Variants in VWA2 observed in about 807,000 individuals in gnomAD.
VWA2 encodes the protein von Willebrand factor A domain containing 2, also known as von Willebrand factor A domain-containing protein 2.
Under a neutral mutation model 70.4 loss-of-function variants are expected in VWA2, and 73 were observed. That is an observed-to-expected ratio of 1.04 (90% CI 0.86 to 1.26). The LOEUF is 1.26. VWA2 is among the 50% of genes most tolerant of loss of function. The pLI, the probability that VWA2 is intolerant of heterozygous loss-of-function variation, is 0.00. For missense variants in VWA2, 1,011 were observed against 998.5 expected (o/e 1.01, Z -0.17); for synonymous variants, 407 against 423.3 (o/e 0.96, Z 0.47).
At chr10:114,265,153 T>A (rs925501339) in intron 5 of VWA2, among the ~76,000 whole-genome samples, 2 of 152,228 alleles carry the variant, frequency 1.3e-5, no homozygotes, top group Non-Finnish European at 2.9e-5. Context: ...GGGTAAAGAA[T>A]AGATTTTGGA....
Position 114,278,043 on chromosome 10 carries a change from G to T in VWA2, c.696G>T (p.Thr232=). 1 of 1,610,182 alleles carries T rather than the reference G, an allele frequency of 6.2e-7. No individual in the cohort carries two copies. The highest frequency in any genetic ancestry group is 8.5e-7 in the Non-Finnish European group (1 of 1,177,196). The change falls in exon 7 of 14, where the codon ACG becomes ACT. Residue 232 remains threonine (T), a synonymous_variant. Transcript: ENST00000392982. ...LSSSAICSSA[T]PDCRVEAHPC... ...GCTCGGCCATCTGCTCCAGCGCCAC[G>T]CCAGGTAAGATCTTCCAGCCTGGAG...
At position 114,272,738 on chromosome 10, in the gene VWA2, A is replaced by C; in HGVS notation, c.372-2A>C. On this transcript the variant is annotated splice_acceptor_variant, in intron 5 of 13. Coordinates refer to ENST00000392982, the MANE Select transcript of VWA2 (RefSeq NM_001272046.2). LOFTEE classifies it high-confidence loss of function. ...TTCTTTTTTCCTTCTGGGTGTGCAC[A>C]GAGGAGGGCGCACGGAGACGGAACT... 6.3e-7 allele frequency: 1 copy of C among 1,597,288 alleles called. No homozygotes were observed. Among genetic ancestry groups the C allele is most frequent in the East Asian group, 2.3e-5 (1 of 44,210 alleles).
rs1444713382 is a variant in VWA2, at chr10:114,291,358, T to C, written c.*121T>C. On this transcript the variant is annotated 3_prime_UTR_variant, in exon 14 of 14. Coordinates refer to ENST00000392982, the MANE Select transcript of VWA2 (RefSeq NM_001272046.2). ...GTCTGTGCCCCAGGTCCTTAGAATG[T>C]CTGCTTCCCGCCGTGGCCAGGACCA... 2 of 1,229,378 alleles carry C rather than the reference T, an allele frequency of 1.6e-6. No individual in the cohort carries two copies. The highest frequency in any genetic ancestry group is 2.2e-6 in the Non-Finnish European group (2 of 907,422). The allele number at this position is 1,229,378 out of a possible 1,614,324, so 76.2% of individuals were successfully genotyped here.
intron 2 of VWA2, 27 bp downstream of exon 2, chr10:114,248,792 A>T (rs2037132107): frequency 6.2e-7 from 1 of 1,608,398 alleles, no homozygotes; most frequent in Admixed American, 1.7e-5. Flanking sequence ...GGTGGTGGGG[A>T]AGTACTGGCG....
At chr10:114,261,383 T>G in intron 5 of VWA2, 88 bp downstream of exon 5, 4 of 1,043,306 alleles carry the variant, frequency 3.8e-6, no homozygotes, top group Non-Finnish European at 5.9e-6. Context: ...TGCTCTGGGC[T>G]CACAGAGAGG....
At chr10:114,272,653 A>C in intron 5 of VWA2, 87 bp from the exon 6 acceptor site, 28 of 1,184,070 alleles carry the variant, frequency 2.4e-5, no homozygotes, top group South Asian at 3.3e-5. Flanking sequence ...TAATAACGGA[A>C]GAGCTCATCG....
At chr10:114,276,451 C>T (rs1294861431) in intron 6 of VWA2, among the ~76,000 whole-genome samples, 2 of 152,164 alleles carry the variant, frequency 1.3e-5, no homozygotes, top group Non-Finnish European at 2.9e-5. Context: ...CCAAGGGCAG[C>T]GTGAAACTCT....
intron 8 of VWA2, among the ~76,000 whole-genome samples, chr10:114,279,439 GC>G (rs1013680567): frequency 6.6e-6 from 1 of 152,168 alleles, no homozygotes; most frequent in African/African-American, 2.4e-5. Flanking sequence ...TTTCTGGGGG[GC>G]CGGGGCAGTG....
chr10:114,241,684 G>A (rs1416462818), intron 1 of VWA2, among the ~76,000 whole-genome samples: 2 of 152,160 alleles, frequency 1.3e-5, no homozygotes, highest in East Asian at 3.8e-4. Flanking sequence ...CGGGCACAGG[G>A]CAGATGCTTA....
intron 9 of VWA2, among the ~76,000 whole-genome samples, chr10:114,282,818 C>T (rs547724310): frequency 8.5e-4 from 130 of 152,284 alleles, no homozygotes; most frequent in African/African-American, 3.0e-3. Flanking sequence ...TGGTGAGAGG[C>T]AGAGAGGCAG....
chr10:114,252,991 A>T (rs1443425212), intron 2 of VWA2, among the ~76,000 whole-genome samples: 1 of 151,590 alleles, frequency 6.6e-6, no homozygotes, highest in Non-Finnish European at 1.5e-5. Context: ...GTCACTGCAC[A>T]TTGACATTTA....
At chr10:114,291,029 G>C (rs1316982102) in intron 13 of VWA2, among the ~76,000 whole-genome samples, 189 bp from the exon 14 acceptor site, 2 of 152,106 alleles carry the variant, frequency 1.3e-5, no homozygotes, top group Non-Finnish European at 2.9e-5. Flanking sequence ...CACGGGCAGA[G>C]GTTGGCTTCC....
chr10:114,266,930 TTTTACATAAAGCTG>T (rs2037580953), intron 5 of VWA2, among the ~76,000 whole-genome samples: 2 of 152,236 alleles, frequency 1.3e-5, no homozygotes, highest in Non-Finnish European at 1.5e-5. Flanking sequence ...TGGTATGTGC[TTTTACATAAAGCTG>T]TATTATTTTT....
intron 9 of VWA2, among the ~76,000 whole-genome samples, chr10:114,284,582 G>C (rs1287050218): frequency 2.0e-5 from 3 of 152,166 alleles, no homozygotes; most frequent in African/African-American, 4.8e-5. Flanking sequence ...TGATGCTACG[G>C]GGAGCTTCCT....
intron 12 of VWA2, chr10:114,289,791 C>A (rs1400210107): frequency 1.6e-5 from 7 of 432,550 alleles, no homozygotes; most frequent in Admixed American, 3.5e-5. Flanking sequence ...TCCTAAGGGT[C>A]TAAAGATCCC....
chr10:114,278,136 C>G (rs2037894973), intron 7 of VWA2, 89 bp downstream of exon 7: 3 of 1,512,836 alleles, frequency 2.0e-6, no homozygotes, highest in Non-Finnish European at 2.7e-6. Context: ...CAGGAGCCTC[C>G]CAAGGATGGA....
chr10:114,289,471 A>G lies in VWA2; in HGVS notation c.2104A>G (p.Ile702Val), dbSNP rs765323011. 3 of 1,614,202 alleles carry G rather than the reference A, an allele frequency of 1.9e-6. No individual in the cohort carries two copies. The highest frequency in any genetic ancestry group is 2.5e-6 in the Non-Finnish European group (3 of 1,180,028). ...CCTGCGGTACCACCAGGACGTGCTC[A>G]TTGAGTGGCTGTGTGGAGGTGAGTG... Reference protein sequence around the residue: ...ADLRYHQDVLIEWLCGEAKQP... With the variant: ...ADLRYHQDVLVEWLCGEAKQP... Residue 702 changes from isoleucine to valine, a missense_variant, in exon 12 of 14, where the codon ATT (isoleucine) becomes GTT (valine). Physicochemically the swap from Ile to Val is conservative, Grantham distance 29 (BLOSUM62 3). Coordinates refer to ENST00000392982, the MANE Select transcript of VWA2 (RefSeq NM_001272046.2).
At chr10:114,249,056 G>A (rs936610533) in intron 2 of VWA2, among the ~76,000 whole-genome samples, 12 of 151,952 alleles carry the variant, frequency 7.9e-5, no homozygotes, top group African/African-American at 2.7e-4. Flanking sequence ...GTGCAGGTTC[G>A]TTACATAGGT....
At chr10:114,246,087 T>C (rs1354043530) in intron 1 of VWA2, 5 of 430,560 alleles carry the variant, frequency 1.2e-5, no homozygotes, top group Non-Finnish European at 1.9e-5. Flanking sequence ...CCCAAGATGA[T>C]TGGAGGTCAG....
Sources: allele counts gnomAD v4.1 joint callset (sites outside exome capture counted in the v4.1 genomes callset), GRCh38; gene constraint gnomAD v4.1.1; transcripts MANE v1.5; gene names NCBI Gene and HGNC (gene_info 2026-07-23, HGNC 2026-07-21).